Variants in KCNJ5 observed in about 807,000 individuals in gnomAD.
The protein encoded by KCNJ5 is potassium inwardly rectifying channel subfamily J member 5, also known as G protein-activated inward rectifier potassium channel 4.
In KCNJ5, 12 loss-of-function variants were observed where a neutral mutation model predicts 20.2. The ratio of observed to expected loss-of-function variants is 0.59; its 90% confidence interval spans 0.38 to 0.96. The LOEUF is 0.96. Ranked by LOEUF, KCNJ5 falls within the 40% of genes least tolerant of loss-of-function variation. The pLI, the probability that KCNJ5 is intolerant of heterozygous loss-of-function variation, is 0.00. For missense variants in KCNJ5, 449 were observed against 557.6 expected (o/e 0.81, Z 1.96); for synonymous variants, 210 against 213.9 (o/e 0.98, Z 0.16).
intron 1 of KCNJ5, chr11:128,902,560 G>A: frequency 6.2e-7 from 1 of 1,601,858 alleles, no homozygotes; most frequent in Non-Finnish European, 8.5e-7. Context: ...GACAGGGCTA[G>A]TTAGGACCAC....
rs1391377472 is a variant in KCNJ5 at position 128,916,886 on chromosome 11, G to C, written c.*155G>C. The C allele has an allele frequency of 3.1e-6, 2 of 645,324 alleles. No individual in the cohort carries two copies. Among genetic ancestry groups the C allele is most frequent in the African/African-American group, 1.8e-5 (1 of 54,544 alleles). The allele number at this position is 645,324 out of a possible 1,614,324, so 40.0% of individuals were successfully genotyped here. ...AGGAACCATAAACCCAGCCCTCACAGCTCCCAGCACAGGGCCTCCCTGAGC... is the reference window on the plus strand; with the variant it reads ...AGGAACCATAAACCCAGCCCTCACACCTCCCAGCACAGGGCCTCCCTGAGC... On this transcript the variant is annotated 3_prime_UTR_variant, in exon 3 of 3. Coordinates refer to ENST00000529694, the MANE Select transcript of KCNJ5 (RefSeq NM_000890.5).
chr11:128,906,863 C>T (rs545519174), intron 1 of KCNJ5, among the ~76,000 whole-genome samples: 1 of 152,238 alleles, frequency 6.6e-6, no homozygotes, highest in Non-Finnish European at 1.5e-5. Context: ...TCCTGGGGTT[C>T]CTCAGGGGGT....
At chr11:128,892,316 A>G (rs565948765) in intron 1 of KCNJ5, among the ~76,000 whole-genome samples, 19 of 152,330 alleles carry the variant, frequency 1.2e-4, no homozygotes, top group African/African-American at 4.6e-4. Context: ...TAGGGAACAG[A>G]GAAGGCCGGC....
At chr11:128,915,121 C>T (rs1426924209) in intron 2 of KCNJ5, among the ~76,000 whole-genome samples, 5 of 152,248 alleles carry the variant, frequency 3.3e-5, no homozygotes, top group Admixed American at 3.3e-4. Flanking sequence ...AGACGGTTGC[C>T]TTCAGCACCC....
rs886047996 is a variant in KCNJ5 at position 128,891,437 on chromosome 11, C to CAGAGAGAGAGAGAGAGAGAG, written c.-294_-293insGAGAGAGAGAGAGAGAGAGA. On this transcript the variant is annotated 5_prime_UTR_variant, in exon 1 of 3. Coordinates refer to ENST00000529694, the MANE Select transcript of KCNJ5 (RefSeq NM_000890.5). ...ACACACACACACACACACACACACACACACAGAGAGAGAGAGAGAGAGAGA... is the reference window on the plus strand; with the variant it reads ...ACACACACACACACACACACACACACAGAGAGAGAGAGAGAGAGAGACACAGAGAGAGAGAGAGAGAGAGA... The CAGAGAGAGAGAGAGAGAGAG allele has an allele frequency of 4.4e-4, 33 of 74,404 alleles. 1 individual carries two copies. Among genetic ancestry groups the CAGAGAGAGAGAGAGAGAGAG allele is most frequent in the South Asian group, 1.9e-3 (3 of 1,592 alleles). 4.6% of individuals were successfully genotyped at this position (74,404 alleles called of 1,614,324 possible).
At chr11:128,908,518 C>G (rs960449598) in intron 1 of KCNJ5, among the ~76,000 whole-genome samples, 27 of 152,214 alleles carry the variant, frequency 1.8e-4, no homozygotes, top group Non-Finnish European at 2.1e-4. Flanking sequence ...AAGTAAACCA[C>G]CCTTTCCTAT....
chr11:128,892,383 C>A (rs1440200778), intron 1 of KCNJ5, among the ~76,000 whole-genome samples: 4 of 152,154 alleles, frequency 2.6e-5, no homozygotes, highest in African/African-American at 4.8e-5. Context: ...AGCTGTTGGC[C>A]CCCTGGTTTT....
chr11:128,901,913 T>C (rs764199748), intron 1 of KCNJ5: 3 of 154,818 alleles, frequency 1.9e-5, no homozygotes, highest in South Asian at 2.0e-4. Context: ...TCCGCGGGGA[T>C]GAAGTGTCCC....
rs1053600674 is a variant in KCNJ5, at chr11:128,920,979, G to A, written c.*4248G>A. On this transcript the variant is annotated 3_prime_UTR_variant, in exon 3 of 3. Coordinates refer to ENST00000529694, the MANE Select transcript of KCNJ5 (RefSeq NM_000890.5). ...ATGAGCTGCAAAAAGAGATTAGACA[G>A]GGAAGAATTGCTTTCGGGGAGAAGC... is the stretch of plus-strand genomic sequence containing the variant. The A allele has an allele frequency of 3.3e-5, 5 of 152,268 alleles. No individual in the cohort carries two copies. Among genetic ancestry groups the A allele is most frequent in the Admixed American group, 6.5e-5 (1 of 15,290 alleles). The allele number at this position is 152,268 out of a possible 1,614,324, so 9.4% of individuals were successfully genotyped here.
At chr11:128,894,056 A>G (rs986540960) in intron 1 of KCNJ5, among the ~76,000 whole-genome samples, 1 of 152,272 alleles carries the variant, frequency 6.6e-6, no homozygotes, top group Admixed American at 6.5e-5. Context: ...AGAAACGACT[A>G]GAATGCCCAT....
intron 2 of KCNJ5, among the ~76,000 whole-genome samples, chr11:128,913,582 C>CTCTT (rs1555145344): frequency 2.0e-5 from 3 of 147,242 alleles, no homozygotes; most frequent in African/African-American, 7.6e-5. Flanking sequence ...CTCTCTCTCT[C>CTCTT]TTTTTTTTTT....
In KCNJ5 at chr11:128,891,500, G is replaced by A. The variant is rs1189387280; in HGVS notation, c.-232G>A. The A allele has an allele frequency of 6.8e-6, 1 of 147,168 alleles. No homozygotes were observed. The highest frequency in any genetic ancestry group is 2.5e-5 in the African/African-American group (1 of 39,348). The allele number at this position is 147,168 out of a possible 1,614,324, so 9.1% of individuals were successfully genotyped here. A position where few individuals can be genotyped will look rare whatever the true frequency, so the allele number is the denominator to read the frequency against. ...GATTGTTCCAGCTGCTCTCGCTAGAGAAAGGGAGTGACCCAAGGGGCCGCG... is the reference window on the plus strand; with the variant it reads ...GATTGTTCCAGCTGCTCTCGCTAGAAAAAGGGAGTGACCCAAGGGGCCGCG... On this transcript the variant is annotated 5_prime_UTR_variant, in exon 1 of 3. Coordinates refer to ENST00000529694, the MANE Select transcript of KCNJ5 (RefSeq NM_000890.5).
intron 1 of KCNJ5, among the ~76,000 whole-genome samples, chr11:128,908,751 G>A (rs1944458649): frequency 6.6e-6 from 1 of 152,184 alleles, no homozygotes; most frequent in African/African-American, 2.4e-5. Flanking sequence ...TCATTCTTGT[G>A]GCACTGTGCC....
chr11:128,910,807 C>T (rs1452018885), intron 1 of KCNJ5, among the ~76,000 whole-genome samples: 3 of 152,162 alleles, frequency 2.0e-5, no homozygotes, highest in Non-Finnish European at 4.4e-5. Flanking sequence ...TTGAATTAAG[C>T]CTGATTCATA....
chr11:128,911,937 G>A lies in KCNJ5; in HGVS notation c.664G>A (p.Gly222Ser). ...DEKLCLMFRV[G>S]DLRNSHIVEA... is the part of the protein sequence containing the mutation. ...GAAGCTGTGCCTCATGTTCCGGGTG[G>A]GCGACCTCCGCAACTCCCACATCGT... The change falls in exon 2 of 3, where the codon GGC becomes AGC. Residue 222 changes from glycine (G) to serine (S), a missense_variant. Gly to Ser is a moderately conservative substitution (Grantham distance 56). Around this residue, in one of 5 missense-constraint regions of KCNJ5, gnomAD observed 145 missense variants for 166.2 expected, o/e 0.87. Coordinates refer to ENST00000529694, the MANE Select transcript of KCNJ5 (RefSeq NM_000890.5). The surrounding 1 kb of genome is among the most constrained non-coding windows in gnomAD (Gnocchi z 6.3). 6.2e-7 allele frequency: 1 copy of A among 1,600,036 alleles called. No homozygotes were observed.
In KCNJ5 at chr11:128,911,463, C is replaced by G. The variant is rs764402583; in HGVS notation, c.190C>G (p.His64Asp). The change falls in exon 2 of 3, where the codon CAC (histidine) becomes GAC (aspartate). Residue 64 changes from histidine (H) to aspartate (D), a missense_variant. Transcript: ENST00000529694. This position sits in a 1 kb window ranked among gnomAD's most constrained non-coding sequence, Gnocchi z 6.3. ...GAAGAGTGGCAAGTGCAACGTGCACCACGGCAACGTCCAGGAGACCTACCG... is the reference window on the plus strand; with the variant it reads ...GAAGAGTGGCAAGTGCAACGTGCACGACGGCAACGTCCAGGAGACCTACCG... ...MEKSGKCNVH[H>D]GNVQETYRYL... 6.2e-7 allele frequency: 1 copy of G among 1,614,242 alleles called. No homozygotes were observed. The highest frequency in any genetic ancestry group is 8.5e-7 in the Non-Finnish European group (1 of 1,180,050).
rs1944489139 is a variant in KCNJ5, at chr11:128,911,091, T to C, written c.-10-173T>C. Reference sequence around the variant, plus strand: ...TAGACTCTGTACTAGGCACCAGGGATACAAAAGAACCCTATAAGAGAGTGA... The same window carrying C: ...TAGACTCTGTACTAGGCACCAGGGACACAAAAGAACCCTATAAGAGAGTGA... On this transcript the variant is annotated intron_variant, in intron 1 of 2. Coordinates refer to ENST00000529694, the MANE Select transcript of KCNJ5 (RefSeq NM_000890.5). This position sits in a 1 kb window ranked among gnomAD's most constrained non-coding sequence, Gnocchi z 6.3. The C allele has an allele frequency of 1.1e-5, 7 of 623,866 alleles. No homozygotes were observed. Among genetic ancestry groups the C allele is most frequent in the Non-Finnish European group, 2.0e-5 (7 of 351,464 alleles). The allele number at this position is 623,866 out of a possible 1,614,324, so 38.6% of individuals were successfully genotyped here. A position where few individuals can be genotyped will look rare whatever the true frequency, so the allele number is the denominator to read the frequency against.
Position 128,916,687 on chromosome 11 carries a change from C to A in KCNJ5, c.1216C>A (p.Pro406Thr). ...AEAEQNEEDE[P>T]KGLGGSREAR... is the part of the protein sequence containing the mutation. ...GGCTGAGCAGAATGAAGAAGATGAG[C>A]CCAAGGGGCTGGGTGGGTCCAGGGA... is the stretch of plus-strand genomic sequence containing the variant. The change falls in exon 3 of 3, where the codon CCC becomes ACC. Residue 406 changes from proline to threonine, a missense_variant. Around this residue, in one of 5 missense-constraint regions of KCNJ5, gnomAD observed 64 missense variants for 51.3 expected, o/e 1.25. Transcript: ENST00000529694. 6.2e-7 allele frequency: 1 copy of A among 1,610,802 alleles called. No individual in the cohort carries two copies. Among genetic ancestry groups the A allele is most frequent in the Non-Finnish European group, 8.5e-7 (1 of 1,178,694 alleles).
chr11:128,909,262 G>T (rs932735429), intron 1 of KCNJ5, among the ~76,000 whole-genome samples: 4 of 152,200 alleles, frequency 2.6e-5, no homozygotes, highest in African/African-American at 9.7e-5. Flanking sequence ...TTTCCAGGTT[G>T]TTCTACTGGG....
Sources: allele counts gnomAD v4.1 joint callset (sites outside exome capture counted in the v4.1 genomes callset), GRCh38; gene constraint gnomAD v4.1.1; regional missense constraint gnomAD v4.1.1; non-coding constraint Gnocchi (gnomAD v3.1); transcripts MANE v1.5; gene names NCBI Gene and HGNC (gene_info 2026-07-23, HGNC 2026-07-21).